The following ARHGAP6 variants were observed in gnomAD, a reference collection of about 807,000 sequenced individuals.
ARHGAP6 encodes the protein Rho GTPase activating protein 6.
Under a neutral mutation model 55.7 loss-of-function variants are expected in ARHGAP6, and 16 were observed. That is an observed-to-expected ratio of 0.29 (90% CI 0.19 to 0.44). ARHGAP6 has a LOEUF of 0.44. Ranked by LOEUF, ARHGAP6 falls within the 20% of genes least tolerant of loss-of-function variation. The pLI is 1.00. For synonymous variants in ARHGAP6, 382 were observed against 360.9 expected, an observed-to-expected ratio of 1.06 and a Z score of -0.66; for missense variants, 698 against 808.9, an observed-to-expected ratio of 0.86 and a Z score of 1.66.
intron 1 of ARHGAP6, among the ~76,000 whole-genome samples, chrX:11,396,787 G>A (rs190620454): frequency 3.6e-5 from 4 of 111,422 alleles, no homozygotes; most frequent in East Asian, 5.7e-4. Context: ...AAAAATCTCA[G>A]AACCTATATG....
At chrX:11,552,600 A>ATATATATATG (rs59361607) in intron 1 of ARHGAP6, among the ~76,000 whole-genome samples, 2 of 62,573 alleles carry the variant, frequency 3.2e-5, no homozygotes, top group African/African-American at 1.2e-4. Flanking sequence ...ATATATATAT[A>ATATATATATG]GACACACACA....
Position 11,265,634 on chromosome X carries a change from C to T in ARHGAP6, c.589-10927G>A, listed in dbSNP as rs575018644. 2.4e-5 allele frequency: 19 copies of T among 791,949 alleles called. No homozygotes were observed. The African/African-American group carries it at 4.4e-4, about 18-fold the overall frequency. The allele number at this position is 791,949 out of a possible 1,213,427, so 65.3% of individuals were successfully genotyped here. ...ATGTGAAAGAATCACAAAACTTTAT[C>T]ACAATTATTTTCTGAAAAAGTAGTG... On this transcript the variant is annotated intron_variant, in intron 1 of 12. Transcript: ENST00000337414.
intron 2 of ARHGAP6, among the ~76,000 whole-genome samples, chrX:11,238,661 A>G (rs2047235350): frequency 8.9e-6 from 1 of 112,316 alleles, no homozygotes. Context: ...AGCATCATTC[A>G]TTGTGGCTTC....
Position 11,504,059 on chromosome X carries a change from G to T in ARHGAP6, c.588+160182C>A, listed in dbSNP as rs752582362. On this transcript the variant is annotated intron_variant, in intron 1 of 12. Transcript: ENST00000337414. ...GGAGTTATGTATCAATTTTTTTTGG[G>T]GGGGGGCTACCCAAGAACTGTTTCT... Among the ~76,000 whole-genome samples the T allele has an allele frequency of 6.4e-5, 7 of 109,651 alleles. No homozygotes were observed. The South Asian group carries it at 1.1e-3, about 18-fold the overall frequency.
At chrX:11,181,997 A>G in intron 6 of ARHGAP6, 66 bp downstream of exon 6, 1 of 955,903 alleles carries the variant, frequency 1.0e-6, no homozygotes, top group Admixed American at 2.3e-5. Flanking sequence ...ATAAACTTGA[A>G]CTTTGCAAAA....
rs1237971550 is a variant in ARHGAP6 at position 11,179,383 on chromosome X, C to T, written c.1399G>A (p.Ala467Thr). 8.3e-7 allele frequency: 1 copy of T among 1,208,426 alleles called. No homozygotes were observed. The highest frequency in any genetic ancestry group is 1.1e-6 in the Non-Finnish European group (1 of 894,750). ...TCCCTCAGGAACTCTTTCAGCAAGGCTGCCACATCATGAACACTGTGCTCC... is the reference window on the plus strand; with the variant it reads ...TCCCTCAGGAACTCTTTCAGCAAGGTTGCCACATCATGAACACTGTGCTCC... ...EEEHSVHDVA[A>T]LLKEFLRDMP... The change falls in exon 7 of 13, where the codon GCC becomes ACC. Residue 467 changes from alanine (A) to threonine (T), a missense_variant. Around this residue, in one of 3 missense-constraint regions of ARHGAP6, gnomAD observed 322 missense variants for 451.1 expected, o/e 0.71. Coordinates refer to ENST00000337414, the MANE Select transcript of ARHGAP6 (RefSeq NM_013427.3).
At chrX:11,463,058 A>G (rs1171374141) in intron 1 of ARHGAP6, among the ~76,000 whole-genome samples, 1 of 112,416 alleles carries the variant, frequency 8.9e-6, no homozygotes, top group African/African-American at 3.2e-5. Flanking sequence ...GGTGTCTCCC[A>G]TTAGCATTGG....
chrX:11,517,784 A>G (rs1228198483), intron 1 of ARHGAP6, among the ~76,000 whole-genome samples: 1 of 110,324 alleles, frequency 9.1e-6, no homozygotes, highest in Non-Finnish European at 1.9e-5. Flanking sequence ...ACACGTGGAC[A>G]CAGGGAGGGG....
In ARHGAP6 at chrX:11,595,606, C is replaced by A. The variant is rs138734981; in HGVS notation, c.588+68635G>T. Among the ~76,000 whole-genome samples, 673 of 111,739 alleles carry A rather than the reference C, an allele frequency of 6.0e-3. 3 individuals carry two copies. The highest frequency in any genetic ancestry group is 0.021 in the African/African-American group (649 of 30,701). On this transcript the variant is annotated intron_variant, in intron 1 of 12. Transcript: ENST00000337414. Reference sequence around the variant, plus strand: ...CTAATTAAACTGAAGAGCTTCTGCACAGCAAAAGAAAATATCATCAGAATC... The same window carrying A: ...CTAATTAAACTGAAGAGCTTCTGCAAAGCAAAAGAAAATATCATCAGAATC...
At chrX:11,334,251 G>T (rs2048600486) in intron 1 of ARHGAP6, 2 of 141,185 alleles carry the variant, frequency 1.4e-5, no homozygotes, top group South Asian at 2.3e-4. Context: ...CCTGGTGAAT[G>T]GCATAGGCAA....
chrX:11,390,665 GCACTTCT>G (rs2049392185), intron 1 of ARHGAP6, among the ~76,000 whole-genome samples: 1 of 108,555 alleles, frequency 9.2e-6, no homozygotes, highest in Non-Finnish European at 1.9e-5. Context: ...ATATGAACAG[GCACTTCT>G]CAAAAGAAGA....
intron 1 of ARHGAP6, among the ~76,000 whole-genome samples, chrX:11,439,443 T>C (rs1165800627): frequency 8.9e-6 from 1 of 112,459 alleles, no homozygotes; most frequent in Non-Finnish European, 1.9e-5. Flanking sequence ...AGAGACCAAC[T>C]GCATGTTCAC....
intron 1 of ARHGAP6, among the ~76,000 whole-genome samples, chrX:11,308,146 C>T (rs1489533852): frequency 8.9e-6 from 1 of 111,975 alleles, no homozygotes; most frequent in African/African-American, 3.2e-5. Flanking sequence ...TGTAGAAAAG[C>T]CAATGATTTC....
chrX:11,296,896 T>C (rs1249745882), intron 1 of ARHGAP6: 6 of 1,112,437 alleles, frequency 5.4e-6, no homozygotes, highest in Middle Eastern at 2.4e-4. Context: ...TAAAGAATAG[T>C]GTGTTGATTC....
intron 2 of ARHGAP6, among the ~76,000 whole-genome samples, chrX:11,218,612 G>A: frequency 9.0e-6 from 1 of 111,279 alleles, no homozygotes; most frequent in Non-Finnish European, 1.9e-5. Context: ...TTGGTTGGTA[G>A]GCTATTAATT....
intron 1 of ARHGAP6, among the ~76,000 whole-genome samples, chrX:11,589,938 G>A (rs984910229): frequency 8.9e-6 from 1 of 112,049 alleles, no homozygotes; most frequent in Admixed American, 9.5e-5. Flanking sequence ...TAATTATACA[G>A]CCTTTGATGG....
intron 2 of ARHGAP6, among the ~76,000 whole-genome samples, chrX:11,226,226 A>G (rs2047046721): frequency 9.7e-6 from 1 of 102,994 alleles, no homozygotes; most frequent in Non-Finnish European, 1.9e-5. Context: ...CCCACCTATG[A>G]GTGAGAACAT....
At chrX:11,185,538 G>A (rs1323985773) in intron 5 of ARHGAP6, among the ~76,000 whole-genome samples, 2 of 111,881 alleles carry the variant, frequency 1.8e-5, no homozygotes, top group African/African-American at 6.5e-5. Context: ...GTTAAAAAAA[G>A]TAATTAAGCT....
intron 1 of ARHGAP6, among the ~76,000 whole-genome samples, chrX:11,564,102 T>C (rs761602460): frequency 1.8e-5 from 2 of 111,761 alleles, no homozygotes; most frequent in Admixed American, 9.5e-5. Context: ...AAATGATAGA[T>C]AGCAAGAATA....
Sources: gnomAD v4.1 joint callset for allele counts (sites outside exome capture counted in the v4.1 genomes callset) on GRCh38, gnomAD v4.1.1 for gene constraint, gnomAD v4.1.1 regional missense constraint, MANE v1.5 for transcripts, NCBI Gene and HGNC (gene_info 2026-07-23, HGNC 2026-07-21) for gene names.